Variants in ALDH18A1 observed in about 807,000 individuals in gnomAD.
ALDH18A1 encodes the protein aldehyde dehydrogenase 18 family member A1.
A neutral mutation model predicts 88.8 loss-of-function variants in ALDH18A1; 44 were observed. The observed-to-expected ratio is 0.50, with a 90% confidence interval of 0.39 to 0.64. The LOEUF (loss-of-function observed/expected upper bound fraction) is 0.64, where lower values mean the gene tolerates loss of function less well. Ranked by LOEUF, ALDH18A1 falls within the 30% of genes least tolerant of loss-of-function variation. The pLI is 0.00. For synonymous variants in ALDH18A1, 331 were observed against 372.1 expected (o/e 0.89, Z 1.27); for missense variants, 782 against 1,009.5 (o/e 0.77, Z 3.05).
chr10:95,628,482 G>A lies in ALDH18A1; in HGVS notation c.819C>T (p.Asp273=), dbSNP rs752470665. 18 of 1,613,212 alleles carry A rather than the reference G, an allele frequency of 1.1e-5. No homozygotes were observed. The South Asian group carries it at 2.0e-4, about 18-fold the overall frequency. The part of the protein sequence containing the change: ...IVLSDVEGLF[D]SPPGSDDAKL... Reference sequence around the variant, plus strand: ...TTGCATCATCTGAACCTGGGGGGCTGTCAAAAAGGCCTAAAAAATAGACAA... The same window carrying A: ...TTGCATCATCTGAACCTGGGGGGCTATCAAAAAGGCCTAAAAAATAGACAA... The change falls in exon 8 of 18, where the codon GAC becomes GAT. Residue 273 remains aspartate, a synonymous_variant. Coordinates refer to ENST00000371224, the MANE Select transcript of ALDH18A1 (RefSeq NM_002860.4).
At chr10:95,629,462 A>C (rs951176015) in intron 7 of ALDH18A1, among the ~76,000 whole-genome samples, 4 of 152,226 alleles carry the variant, frequency 2.6e-5, no homozygotes, top group African/African-American at 9.6e-5. Flanking sequence ...TTGTAGAGCA[A>C]AGCAGTGGCA....
In ALDH18A1 at chr10:95,652,968, C is replaced by T. The variant is rs192199512; in HGVS notation, c.88+322G>A. ...TTGGGAGGCCAAGGCAGGCAGATTG[C>T]TTGATCTCAAGAGTTCAAGACCAGC... On this transcript the variant is annotated intron_variant, in intron 2 of 17. Transcript: ENST00000371224. Among the ~76,000 whole-genome samples, 689 of 152,168 alleles carry T rather than the reference C, an allele frequency of 4.5e-3. 2 individuals carry two copies. The highest frequency in any genetic ancestry group is 0.02 in the Middle Eastern group (6 of 294).
rs572247199 is a variant in ALDH18A1, at chr10:95,612,888, T to G, written c.1923+854A>C. Among the ~76,000 whole-genome samples, 37 of 152,286 alleles carry G rather than the reference T, an allele frequency of 2.4e-4. 1 individual carries two copies. The highest frequency in any genetic ancestry group is 2.4e-3 in the Admixed American group (37 of 15,292). On this transcript the variant is annotated intron_variant, in intron 15 of 17. Coordinates refer to ENST00000371224, the MANE Select transcript of ALDH18A1 (RefSeq NM_002860.4). ...TTCCTTGTAATCCATGGAGTACAGT[T>G]TCATTTTTAAAACAATTCTTTCCAG... is the stretch of plus-strand genomic sequence containing the variant.
chr10:95,626,618 A>G, intron 10 of ALDH18A1, 85 bp downstream of exon 10: 1 of 1,264,816 alleles, frequency 7.9e-7, no homozygotes, highest in Non-Finnish European at 1.2e-6. Flanking sequence ...AGGAATAAAG[A>G]TGGAGTCAGC....
At chr10:95,653,187 CCAAA>C (rs761811497) in intron 2 of ALDH18A1, 99 bp downstream of exon 2, 111 of 1,152,944 alleles carry the variant, frequency 9.6e-5, no homozygotes, top group East Asian at 2.1e-4. Flanking sequence ...GACCCTGTCT[CCAAA>C]CAAACAAACA....
intron 2 of ALDH18A1, among the ~76,000 whole-genome samples, chr10:95,650,992 G>A (rs2097909483): frequency 6.6e-6 from 1 of 152,010 alleles, no homozygotes; most frequent in African/African-American, 2.4e-5. Context: ...AAACTGGCTG[G>A]GCATGGTGGT....
chr10:95,642,324 A>G (rs986168084), intron 3 of ALDH18A1, among the ~76,000 whole-genome samples: 5 of 152,148 alleles, frequency 3.3e-5, no homozygotes, highest in African/African-American at 1.2e-4. Context: ...AAACTAAAAT[A>G]TTTACTATCT....
In ALDH18A1 at chr10:95,616,551, G is replaced by A; in HGVS notation, c.1531C>T (p.His511Tyr). ...LLLKGGKEAA[H>Y]SNRILHLLTQ... Reference sequence around the variant, plus strand: ...AGGAGGTGGAGAATCCGGTTGCTGTGTGCAGCCTCCTTCCCTCCTTTGAGT... The same window carrying A: ...AGGAGGTGGAGAATCCGGTTGCTGTATGCAGCCTCCTTCCCTCCTTTGAGT... Residue 511 changes from histidine to tyrosine, a missense_variant, in exon 13 of 18, where the codon CAC (histidine) becomes TAC (tyrosine). His to Tyr is a moderately conservative substitution (Grantham distance 83). Coordinates refer to ENST00000371224, the MANE Select transcript of ALDH18A1 (RefSeq NM_002860.4). The A allele has an allele frequency of 6.3e-7, 1 of 1,599,312 alleles. No homozygotes were observed. Among genetic ancestry groups the A allele is most frequent in the Non-Finnish European group, 8.5e-7 (1 of 1,172,810 alleles).
chr10:95,644,123 A>G (rs1384975966), intron 2 of ALDH18A1, among the ~76,000 whole-genome samples: 1 of 152,214 alleles, frequency 6.6e-6, no homozygotes, highest in Non-Finnish European at 1.5e-5. Flanking sequence ...AGCCCAGGCA[A>G]CAGAGCAAGA....
At chr10:95,615,675 C>A (rs760775989) in intron 13 of ALDH18A1, among the ~76,000 whole-genome samples, 6 of 152,122 alleles carry the variant, frequency 3.9e-5, no homozygotes, top group Admixed American at 6.6e-5. Context: ...AAGAAAAAAA[C>A]CAGATTCTGG....
In ALDH18A1 at chr10:95,621,186, T is replaced by C. The variant is rs772376087; in HGVS notation, c.1312A>G (p.Ile438Val). ...GAGGCTGCGATCTGTCGCAGACCGATGGCCAGGCTGTTCAATTTGGATGTG... is the reference window on the plus strand; with the variant it reads ...GAGGCTGCGATCTGTCGCAGACCGACGGCCAGGCTGTTCAATTTGGATGTG... ...LSTSKLNSLA[I>V]GLRQIAASSQ... Residue 438 changes from isoleucine to valine, a missense_variant, in exon 12 of 18, where the codon ATC becomes GTC. Ile to Val is a conservative substitution (Grantham distance 29). Coordinates refer to ENST00000371224, the MANE Select transcript of ALDH18A1 (RefSeq NM_002860.4). 2.5e-6 allele frequency: 4 copies of C among 1,614,134 alleles called. No homozygotes were observed. Among genetic ancestry groups the C allele is most frequent in the African/African-American group, 1.3e-5 (1 of 75,030 alleles).
chr10:95,650,575 T>G (rs2097909002), intron 2 of ALDH18A1, among the ~76,000 whole-genome samples: 1 of 152,214 alleles, frequency 6.6e-6, no homozygotes, highest in Non-Finnish European at 1.5e-5. Flanking sequence ...TCTCTCTTGC[T>G]TCCTCTCTGG....
intron 2 of ALDH18A1, among the ~76,000 whole-genome samples, chr10:95,644,644 C>G (rs2097897998): frequency 2.0e-5 from 3 of 152,222 alleles, no homozygotes; most frequent in Admixed American, 6.5e-5. Context: ...CAAGTATTAG[C>G]CAGGCACACT....
At chr10:95,642,962 G>T (rs1445504361) in intron 3 of ALDH18A1, 30 bp downstream of exon 3, 2 of 1,610,264 alleles carry the variant, frequency 1.2e-6, no homozygotes, top group African/African-American at 1.3e-5. Flanking sequence ...CCCAATTTTA[G>T]TACAGCATAA....
intron 10 of ALDH18A1, among the ~76,000 whole-genome samples, chr10:95,625,768 G>A (rs931613632): frequency 2.0e-5 from 3 of 151,790 alleles, no homozygotes; most frequent in African/African-American, 4.8e-5. Context: ...AAAAAAAAGG[G>A]GGGGAAGGGG....
At chr10:95,648,577 C>T (rs1482318009) in intron 2 of ALDH18A1, among the ~76,000 whole-genome samples, 1 of 152,030 alleles carries the variant, frequency 6.6e-6, no homozygotes, top group Non-Finnish European at 1.5e-5. Flanking sequence ...TTGAGCTGGC[C>T]CCGTAACTTG....
rs1391491805 is a variant in ALDH18A1, at chr10:95,606,003, C to G, written c.*759G>C. 1 of 153,506 alleles carries G rather than the reference C, an allele frequency of 6.5e-6. No homozygotes were observed. The highest frequency in any genetic ancestry group is 1.4e-5 in the Non-Finnish European group (1 of 69,232). The allele number at this position is 153,506 out of a possible 1,614,324, so 9.5% of individuals were successfully genotyped here. ...GAATCCAAAGTATTAAAATAATCCT[C>G]TAATTTTTGTTTTGGAGGAAAAGGG... On this transcript the variant is annotated 3_prime_UTR_variant, in exon 18 of 18. Coordinates refer to ENST00000371224, the MANE Select transcript of ALDH18A1 (RefSeq NM_002860.4).
intron 9 of ALDH18A1, 129 bp downstream of exon 9, chr10:95,627,313 A>T (rs1411269153): frequency 7.6e-7 from 1 of 1,309,610 alleles, no homozygotes; most frequent in Non-Finnish European, 1.1e-6. Context: ...GCAAAATCCG[A>T]TTTTGCAAAT....
intron 15 of ALDH18A1, among the ~76,000 whole-genome samples, chr10:95,612,487 C>T (rs1250507156): frequency 6.6e-6 from 1 of 152,202 alleles, no homozygotes; most frequent in Non-Finnish European, 1.5e-5. Flanking sequence ...CTGCCTTATC[C>T]TCATGATTCC....
Sources: allele counts gnomAD v4.1 joint callset (sites outside exome capture counted in the v4.1 genomes callset), GRCh38; gene constraint gnomAD v4.1.1; transcripts MANE v1.5; gene names NCBI Gene and HGNC (gene_info 2026-07-23, HGNC 2026-07-21).